The following ANKRD6 variants were observed in gnomAD, a reference collection of about 807,000 sequenced individuals.
ANKRD6 encodes the protein ankyrin repeat domain-containing protein 6.
Under a neutral mutation model 82.3 loss-of-function variants are expected in ANKRD6, and 56 were observed. The observed-to-expected ratio is 0.68, with a 90% CI of 0.55 to 0.85. The LOEUF is 0.85. Among genes scored for constraint, ANKRD6 ranks in the 40% least tolerant of loss-of-function variants. ANKRD6 has a pLI of 0.00. For synonymous variants in ANKRD6, 347 were observed against 352.1 expected (o/e 0.99, Z 0.16); for missense variants, 852 against 907.6 (o/e 0.94, Z 0.79).
intron 4 of ANKRD6, among the ~76,000 whole-genome samples, chr6:89,605,639 G>T (rs1300909884): frequency 6.6e-6 from 1 of 152,202 alleles, no homozygotes; most frequent in East Asian, 1.9e-4. Context: ...GAGGTGGGAA[G>T]AAATAGATGG....
intron 13 of ANKRD6, among the ~76,000 whole-genome samples, chr6:89,627,213 C>G (rs1583982689): frequency 6.6e-6 from 1 of 152,140 alleles, no homozygotes; most frequent in Middle Eastern, 3.4e-3. Context: ...TGTGCCACCA[C>G]ACCCGGCTAA....
rs113260828 is a variant in ANKRD6, at chr6:89,595,887, C to T, written c.121-29C>T. ...AGGGAGTAGCATTGAGGACTTGTTC[C>T]GAAATCATTGTTCATTTTGCATTCA... On this transcript the variant is annotated intron_variant, in intron 2 of 15. Coordinates refer to ENST00000339746, the MANE Select transcript of ANKRD6 (RefSeq NM_001242809.2). 2,837 of 1,565,692 alleles carry T rather than the reference C, an allele frequency of 1.8e-3. 5 individuals carry two copies. The highest frequency in any genetic ancestry group is 5.7e-3 in the African/African-American group (422 of 74,104).
At chr6:89,452,318 C>CA (rs1330633916) in intron 1 of ANKRD6, among the ~76,000 whole-genome samples, 1 of 152,120 alleles carries the variant, frequency 6.6e-6, no homozygotes, top group Non-Finnish European at 1.5e-5. Context: ...ACATTTTCCC[C>CA]AAATTTAAGC....
chr6:89,590,655 C>T (rs1482263954), intron 2 of ANKRD6, among the ~76,000 whole-genome samples: 1 of 152,152 alleles, frequency 6.6e-6, no homozygotes, highest in Non-Finnish European at 1.5e-5. Context: ...GAAGCCCCTG[C>T]TCTGCCAGAG....
At chr6:89,480,277 G>C (rs907325723) in intron 1 of ANKRD6, among the ~76,000 whole-genome samples, 1 of 152,152 alleles carries the variant, frequency 6.6e-6, no homozygotes, top group African/African-American at 2.4e-5. Context: ...TTCTCCACCA[G>C]ACTCAAAATC....
intron 1 of ANKRD6, among the ~76,000 whole-genome samples, chr6:89,520,712 CA>C (rs1315609479): frequency 6.6e-6 from 1 of 152,184 alleles, no homozygotes; most frequent in Admixed American, 6.5e-5. Context: ...AAAAGACAGC[CA>C]ATAATATTAG....
chr6:89,583,642 G>GC (rs1793079565), intron 2 of ANKRD6, among the ~76,000 whole-genome samples: 1 of 152,146 alleles, frequency 6.6e-6, no homozygotes, highest in South Asian at 2.1e-4. Flanking sequence ...TTGGGGATGG[G>GC]CCCCCAAAGC....
rs1772319354 is a variant in ANKRD6, at chr6:89,447,985, C to T, written c.-144+14610C>T. Among the ~76,000 whole-genome samples, 5 of 152,100 alleles carry T rather than the reference C, an allele frequency of 3.3e-5. No homozygotes were observed. In the South Asian group the frequency reaches 1.0e-3, roughly 31 times the overall value. ...TACAGGCGTGAGCCACTGCACCCAG[C>T]TCCATTTAGGACTTTCATAGCTAGA... On this transcript the variant is annotated intron_variant, in intron 1 of 15. Transcript: ENST00000339746.
rs187524516 is a variant in ANKRD6, at chr6:89,507,238, T to A, written c.-143-59596T>A. On this transcript the variant is annotated intron_variant, in intron 1 of 15. Transcript: ENST00000339746. ...CACATAATTTTTTTTATGGTTCATA[T>A]CATTACATAAAAAGACTGGGCTAGT... is the stretch of plus-strand genomic sequence containing the variant. Among the ~76,000 whole-genome samples the A allele has an allele frequency of 2.3e-3, 354 of 152,344 alleles. 1 individual carries two copies. Among genetic ancestry groups the A allele is most frequent in the African/African-American group, 8.2e-3 (343 of 41,580 alleles).
At chr6:89,567,993 G>C (rs181139648) in intron 2 of ANKRD6, among the ~76,000 whole-genome samples, 1 of 152,224 alleles carries the variant, frequency 6.6e-6, no homozygotes, top group South Asian at 2.1e-4. Context: ...AGATCGGTCA[G>C]CTCCTATTTT....
rs781545041 is a variant in ANKRD6 at position 89,466,613 on chromosome 6, T to C, written c.-144+33238T>C. On this transcript the variant is annotated intron_variant, in intron 1 of 15. Transcript: ENST00000339746. Reference sequence around the variant, plus strand: ...ATTTTTATTCTGTATGTATGTGAAATGCCTGTGAATTTTTTGTGCACATTT... The same window carrying C: ...ATTTTTATTCTGTATGTATGTGAAACGCCTGTGAATTTTTTGTGCACATTT... Among the ~76,000 whole-genome samples, 3 of 152,364 alleles carry C rather than the reference T, an allele frequency of 2.0e-5. No individual in the cohort carries two copies. The South Asian group carries it at 6.2e-4, about 32-fold the overall frequency.
chr6:89,577,884 G>A (rs1489460121), intron 2 of ANKRD6, among the ~76,000 whole-genome samples: 1 of 152,206 alleles, frequency 6.6e-6, no homozygotes, highest in African/African-American at 2.4e-5. Flanking sequence ...TCTCCAAAAG[G>A]AAGTAGACAA....
chr6:89,450,676 G>A (rs1443070945), intron 1 of ANKRD6, among the ~76,000 whole-genome samples: 2 of 151,074 alleles, frequency 1.3e-5, no homozygotes, highest in African/African-American at 4.9e-5. Flanking sequence ...CACCACTGCA[G>A]ACTTTTTTTT....
rs1259657196 is a variant in ANKRD6 at position 89,633,806 on chromosome 6, T to G, written c.*2802T>G. 6.6e-6 allele frequency: 1 copy of G among 152,250 alleles called. No individual in the cohort carries two copies. Among genetic ancestry groups the G allele is most frequent in the Non-Finnish European group, 1.5e-5 (1 of 68,040 alleles). 9.4% of individuals were successfully genotyped at this position (152,250 alleles called of 1,614,324 possible). On this transcript the variant is annotated 3_prime_UTR_variant, in exon 16 of 16. Transcript: ENST00000339746. ...CATTAAAGATACTATGGATCTTAAA[T>G]TCCTTATTAAAAAAATGCAAGTGTG...
At chr6:89,517,812 G>A (rs1174605804) in intron 1 of ANKRD6, among the ~76,000 whole-genome samples, 1 of 152,194 alleles carries the variant, frequency 6.6e-6, no homozygotes, top group Non-Finnish European at 1.5e-5. Flanking sequence ...CTAAGGGGGG[G>A]ACTATGATAT....
chr6:89,534,173 A>T (rs1348456536), intron 1 of ANKRD6, among the ~76,000 whole-genome samples: 1 of 152,208 alleles, frequency 6.6e-6, no homozygotes, highest in Non-Finnish European at 1.5e-5. Context: ...AGCCAATTAG[A>T]CAATTTGATG....
chr6:89,488,161 T>C (rs2127830137), intron 1 of ANKRD6, among the ~76,000 whole-genome samples: 1 of 152,356 alleles, frequency 6.6e-6, no homozygotes, highest in South Asian at 2.1e-4. Flanking sequence ...TGTTGTGACC[T>C]AGCCAGCCTG....
chr6:89,523,692 G>A (rs1039283297), intron 1 of ANKRD6, among the ~76,000 whole-genome samples: 1 of 152,144 alleles, frequency 6.6e-6, no homozygotes, highest in African/African-American at 2.4e-5. Flanking sequence ...GCATACCCAG[G>A]CTGCCAGCCT....
chr6:89,562,089 A>C (rs1346002014), intron 1 of ANKRD6, among the ~76,000 whole-genome samples: 26 of 152,188 alleles, frequency 1.7e-4, no homozygotes. Flanking sequence ...TCTCCTTTCT[A>C]TGATCTCTCC....
Sources: gnomAD v4.1 joint callset for allele counts (sites outside exome capture counted in the v4.1 genomes callset) on GRCh38, gnomAD v4.1.1 for gene constraint, MANE v1.5 for transcripts, NCBI Gene and HGNC (gene_info 2026-07-23, HGNC 2026-07-21) for gene names.